The following DACH2 variants were observed in gnomAD, a reference collection of about 807,000 sequenced individuals.
DACH2 encodes the protein dachshund family transcription factor 2, also known as dachshund homolog 2.
Under a neutral mutation model 35.8 loss-of-function variants are expected in DACH2, and 17 were observed. The ratio of observed to expected loss-of-function variants is 0.48; its 90% CI spans 0.33 to 0.71. The LOEUF (loss-of-function observed/expected upper bound fraction) is 0.71. Ranked by LOEUF, DACH2 falls within the 30% of genes least tolerant of loss-of-function variation. The pLI, the probability that DACH2 is intolerant of heterozygous loss-of-function variation, is 0.02. For synonymous variants in DACH2, 195 were observed against 177.3 expected, an observed-to-expected ratio of 1.10 and a Z score of -0.79; for missense variants, 469 against 472.7, an observed-to-expected ratio of 0.99 and a Z score of 0.07.
intron 2 of DACH2, among the ~76,000 whole-genome samples, chrX:86,382,015 G>T (rs1241412175): frequency 9.0e-6 from 1 of 111,164 alleles, no homozygotes; most frequent in African/African-American, 3.2e-5. Context: ...TGATTCAGAA[G>T]AAAATATTCA....
Position 86,698,519 on chromosome X carries a change from G to GTTTTTTTTTTTTTTTTTTTTTT in DACH2, c.931+3341_931+3342insTTTTTTTTTTTTTTTTTTTTTT, listed in dbSNP as rs1378300889. 1.0e-3 allele frequency among the ~76,000 whole-genome samples: 33 copies of GTTTTTTTTTTTTTTTTTTTTTT among 32,081 alleles called. 4 individuals carry two copies. Among genetic ancestry groups the GTTTTTTTTTTTTTTTTTTTTTT allele is most frequent in the African/African-American group, 2.3e-3 (18 of 7,829 alleles). 27.9% of individuals were successfully genotyped at this position (32,081 alleles called of 115,157 possible). On this transcript the variant is annotated intron_variant, in intron 5 of 11. Transcript: ENST00000373125. ...TTCTTCTTTTTGTTTTGTTAGTTTT[G>GTTTTTTTTTTTTTTTTTTTTTT]TGTTTTTTTTTTTTTTTTTTTTTTT...
chrX:86,242,760 T>G (rs1284929694), intron 1 of DACH2, among the ~76,000 whole-genome samples: 1 of 111,421 alleles, frequency 9.0e-6, no homozygotes, highest in East Asian at 2.8e-4. Flanking sequence ...AATTGGATCA[T>G]GGGGGATGGG....
chrX:86,729,582 G>A (rs2041509647), intron 6 of DACH2, among the ~76,000 whole-genome samples: 1 of 111,379 alleles, frequency 9.0e-6, no homozygotes, highest in African/African-American at 3.3e-5. Context: ...ATATAGTTTG[G>A]ATATTTGTTG....
intron 4 of DACH2, among the ~76,000 whole-genome samples, chrX:86,652,694 T>G (rs1158282541): frequency 8.9e-6 from 1 of 112,324 alleles, no homozygotes; most frequent in Non-Finnish European, 1.9e-5. Flanking sequence ...TCTCTAATAA[T>G]CAATGGTGTT....
intron 4 of DACH2, among the ~76,000 whole-genome samples, chrX:86,664,078 C>T (rs1012116320): frequency 9.0e-6 from 1 of 111,530 alleles, no homozygotes. Flanking sequence ...AGAAATAGAG[C>T]ACAAATGCTA....
intron 2 of DACH2, among the ~76,000 whole-genome samples, chrX:86,422,632 G>A (rs774869755): frequency 6.3e-5 from 7 of 110,846 alleles, no homozygotes; most frequent in African/African-American, 9.8e-5. Flanking sequence ...CATGGATAAT[G>A]GGTTATCTAT....
intron 3 of DACH2, among the ~76,000 whole-genome samples, chrX:86,568,616 C>G (rs1229554501): frequency 9.0e-6 from 1 of 111,002 alleles, no homozygotes; most frequent in Non-Finnish European, 1.9e-5. Context: ...ATCAAACCTT[C>G]CTAACTTTTC....
chrX:86,311,616 C>T (rs1174065801), intron 1 of DACH2, among the ~76,000 whole-genome samples: 5 of 111,118 alleles, frequency 4.5e-5, no homozygotes, highest in African/African-American at 1.3e-4. Context: ...GAGCCACTAG[C>T]AAAATTTTTG....
At chrX:86,372,311 G>A (rs758968845) in intron 1 of DACH2, among the ~76,000 whole-genome samples, 2 of 110,674 alleles carry the variant, frequency 1.8e-5, no homozygotes, top group East Asian at 2.9e-4. Flanking sequence ...AGCACTCTTA[G>A]TGCACCTTCA....
chrX:86,468,545 G>A (rs2037710629), intron 2 of DACH2, among the ~76,000 whole-genome samples: 1 of 111,552 alleles, frequency 9.0e-6, no homozygotes, highest in Admixed American at 9.6e-5. Context: ...CCTACTGAGA[G>A]TACTTCCAAT....
intron 1 of DACH2, among the ~76,000 whole-genome samples, chrX:86,170,161 C>A (rs1312110124): frequency 1.8e-5 from 2 of 110,887 alleles, no homozygotes; most frequent in African/African-American, 6.7e-5. Flanking sequence ...GACTCTTGTT[C>A]TTTTCTCTTA....
At chrX:86,579,921 A>G (rs2039481460) in intron 3 of DACH2, among the ~76,000 whole-genome samples, 1 of 112,109 alleles carries the variant, frequency 8.9e-6, no homozygotes. Context: ...CATGCAAGTG[A>G]GCACAGATTA....
At chrX:86,209,517 T>C (rs113080196) in intron 1 of DACH2, among the ~76,000 whole-genome samples, 3,930 of 111,825 alleles carry the variant, frequency 0.035, 176 homozygotes, top group African/African-American at 0.12. Context: ...GGGCTTTATG[T>C]GATTTACTGT....
intron 1 of DACH2, among the ~76,000 whole-genome samples, chrX:86,183,955 A>G (rs1477780390): frequency 9.0e-6 from 1 of 111,051 alleles, no homozygotes; most frequent in Admixed American, 9.6e-5. Context: ...TTTCCAGTTT[A>G]TTTGCATGGA....
At chrX:86,383,811 G>T (rs749347031) in intron 2 of DACH2, among the ~76,000 whole-genome samples, 22 of 108,581 alleles carry the variant, frequency 2.0e-4, no homozygotes, top group African/African-American at 7.4e-4. Context: ...TTATAGTCAA[G>T]CAAGTGTCAC....
intron 2 of DACH2, among the ~76,000 whole-genome samples, chrX:86,392,276 T>C (rs963821793): frequency 9.0e-6 from 1 of 111,714 alleles, no homozygotes; most frequent in Non-Finnish European, 1.9e-5. Context: ...TACTCTGTGA[T>C]GTATAAAATG....
intron 3 of DACH2, among the ~76,000 whole-genome samples, chrX:86,516,528 T>C (rs1020536213): frequency 4.5e-5 from 5 of 111,434 alleles, no homozygotes; most frequent in Admixed American, 9.5e-5. Context: ...AGGTAAACAA[T>C]CTATGGCTCC....
intron 1 of DACH2, among the ~76,000 whole-genome samples, chrX:86,180,176 G>GTGTATATATATATATA (rs2031434393): frequency 2.3e-5 from 1 of 42,930 alleles, no homozygotes; most frequent in Non-Finnish European, 4.7e-5. Context: ...ATGCTAAACC[G>GTGTATATATATATATA]TATATATATA....
chrX:86,530,805 G>C (rs62594988), intron 3 of DACH2, among the ~76,000 whole-genome samples: 5,459 of 111,697 alleles, frequency 0.049, 116 homozygotes, highest in Middle Eastern at 0.1. Context: ...AAGACAGGAA[G>C]ATGAGGTAAA....
Sources: gnomAD v4.1 joint callset for allele counts (sites outside exome capture counted in the v4.1 genomes callset) on GRCh38, gnomAD v4.1.1 for gene constraint, MANE v1.5 for transcripts, NCBI Gene and HGNC (gene_info 2026-07-23, HGNC 2026-07-21) for gene names.